The following CDH26 variants were observed in gnomAD, a reference collection of about 807,000 sequenced individuals.
CDH26 encodes the protein cadherin 26.
CDH26 carries 83 observed loss-of-function variants against 90.3 expected under a neutral mutation model. That is an observed-to-expected ratio of 0.92 (90% CI 0.77 to 1.10). CDH26 has a LOEUF of 1.10. CDH26 is among the 50% of genes least tolerant of loss of function. CDH26 has a pLI of 0.00. For missense variants in CDH26, 1,013 were observed against 1,037.6 expected, an observed-to-expected ratio of 0.98 and a Z score of 0.33; for synonymous variants, 397 against 396.3, an observed-to-expected ratio of 1.00 and a Z score of -0.02.
chr20:60,022,130 C>G (rs1488204812), intron 7 of CDH26, among the ~76,000 whole-genome samples: 1 of 151,936 alleles, frequency 6.6e-6, no homozygotes, highest in Non-Finnish European at 1.5e-5. Flanking sequence ...AGTTCATTCT[C>G]AAGTCTACCT....
intron 1 of CDH26, among the ~76,000 whole-genome samples, chr20:59,961,755 AG>A (rs1258943228): frequency 2.0e-5 from 3 of 152,158 alleles, no homozygotes; most frequent in Non-Finnish European, 4.4e-5. Context: ...TCTTTGTTCC[AG>A]GTTCAGTGAC....
In CDH26 at chr20:59,999,607, C is replaced by T. The variant is rs754246708; in HGVS notation, c.2041C>T (p.Gln681Ter). Reference protein sequence around the residue: ...SAQTWSDVEGQRPALLICTAA... With the variant: ...SAQTWSDVEG ...ACAGACATGGTCAGATGTTGAAGGC[C>T]AGAGGCCGGCTCTGCTCATCTGCAC... Residue 681 changes from glutamine (Q) to a stop codon, truncating the protein, a stop_gained, in exon 14 of 18, where the codon CAG becomes TAG. Coordinates refer to ENST00000348616, the MANE Select transcript of CDH26 (RefSeq NM_177980.4). LOFTEE classifies it high-confidence loss of function. 6.2e-7 allele frequency: 1 copy of T among 1,614,098 alleles called. No homozygotes were observed. Among genetic ancestry groups the T allele is most frequent in the Non-Finnish European group, 8.5e-7 (1 of 1,179,988 alleles).
At chr20:59,967,897 C>A (rs1424309614) in intron 1 of CDH26, among the ~76,000 whole-genome samples, 1 of 120,768 alleles carries the variant, frequency 8.3e-6, no homozygotes, top group African/African-American at 4.0e-5. Context: ...TCCTTCCTTC[C>A]TTCCTTCCTT....
intron 4 of CDH26, 142 bp downstream of exon 4, chr20:59,972,265 T>C: frequency 2.8e-6 from 2 of 721,132 alleles, no homozygotes; most frequent in Non-Finnish European, 4.5e-6. Flanking sequence ...TTTACGAGTA[T>C]GCCTGAGACT....
chr20:59,964,700 GCAAAGTATAAA>G (rs1389646738), intron 1 of CDH26, among the ~76,000 whole-genome samples: 1 of 152,138 alleles, frequency 6.6e-6, no homozygotes, highest in Non-Finnish European at 1.5e-5. Context: ...GGCATCTCTG[GCAAAGTATAAA>G]CATCCACCAT....
In CDH26 at chr20:59,989,559, G is replaced by C. The variant is rs182042965; in HGVS notation, c.1283+396G>C. Among the ~76,000 whole-genome samples, 227 of 144,606 alleles carry C rather than the reference G, an allele frequency of 1.6e-3. 1 individual carries two copies. Among genetic ancestry groups the C allele is most frequent in the Non-Finnish European group, 2.6e-3 (171 of 65,698 alleles). The allele number at this position is 144,606 out of a possible 152,430, so 94.9% of individuals were successfully genotyped here. A position where few individuals can be genotyped will look rare whatever the true frequency, so the allele number is the denominator to read the frequency against. On this transcript the variant is annotated intron_variant, in intron 9 of 17. Transcript: ENST00000348616. ...CAAAAAAAAAAAAAAAAAAAGAAAA[G>C]AAAACCAGCTCCTTGGACGTGTTCA...
In CDH26 at chr20:59,994,436, T is replaced by C; in HGVS notation, c.1613T>C (p.Leu538Ser). 2 of 1,614,142 alleles carry C rather than the reference T, an allele frequency of 1.2e-6. No individual in the cohort carries two copies. Among genetic ancestry groups the C allele is most frequent in the Non-Finnish European group, 1.7e-6 (2 of 1,180,020 alleles). Residue 538 changes from leucine to serine, a missense_variant, in exon 11 of 18, where the codon TTG (leucine) becomes TCG (serine). Physicochemically the swap from Leu to Ser is moderately radical, Grantham distance 145. Coordinates refer to ENST00000348616, the MANE Select transcript of CDH26 (RefSeq NM_177980.4). ...EPFSDPFTFE[L>S]DNTWGNAEDT... is the part of the protein sequence containing the mutation. ...TTCTCTGACCCATTTACATTTGAAT[T>C]GGACAATACCTGGGGAAATGCGGAG... is the stretch of plus-strand genomic sequence containing the variant.
intron 5 of CDH26, among the ~76,000 whole-genome samples, chr20:59,983,944 G>A (rs2061423949): frequency 6.6e-6 from 1 of 152,022 alleles, no homozygotes; most frequent in Non-Finnish European, 1.5e-5. Context: ...GATCTCCTAT[G>A]GTTGAACATT....
At position 59,987,583 on chromosome 20, in the gene CDH26, ATTT is replaced by A; in HGVS notation, c.970_972del (p.Phe324del). 1 of 1,613,948 alleles carries A rather than the reference ATTT, an allele frequency of 6.2e-7. No homozygotes were observed. Among genetic ancestry groups the A allele is most frequent in the Non-Finnish European group, 8.5e-7 (1 of 1,179,946 alleles). On this transcript the variant is annotated inframe_deletion, in exon 8 of 18. Coordinates refer to ENST00000348616, the MANE Select transcript of CDH26 (RefSeq NM_177980.4). ...ATATTGCATGGCAATGAAGAGGGGC[ATTT>A]TGACATTTCGACTGACCCTGAGACC...
downstream of CDH26, among the ~76,000 whole-genome samples, chr20:60,018,842 G>T (rs779608918): frequency 3.4e-5 from 5 of 149,188 alleles, no homozygotes; most frequent in Non-Finnish European, 7.4e-5. Context: ...CATGATTGTG[G>T]TTATTTTCTT....
intron 10 of CDH26, 151 bp from the exon 11 acceptor site, chr20:59,994,099 T>A: frequency 1.0e-6 from 1 of 962,096 alleles, no homozygotes; most frequent in Non-Finnish European, 1.5e-6. Context: ...GGAAAACAGA[T>A]CACGTGCATG....
At chr20:59,967,886 T>TC (rs1228267047) in intron 1 of CDH26, among the ~76,000 whole-genome samples, 100 of 123,820 alleles carry the variant, frequency 8.1e-4, no homozygotes, top group African/African-American at 3.7e-3. Context: ...TCTTCCTTCC[T>TC]TCCTTCCTTC....
chr20:60,033,491 G>T lies in CDH26; in HGVS notation c.1150G>T (p.Glu384Ter), dbSNP rs1363827316. The T allele has an allele frequency of 7.7e-6, 10 of 1,303,080 alleles. No homozygotes were observed. The East Asian group carries it at 5.5e-4, about 72-fold the overall frequency. 80.7% of individuals were successfully genotyped at this position (1,303,080 alleles called of 1,614,324 possible). A position where few individuals can be genotyped will look rare whatever the true frequency, so the allele number is the denominator to read the frequency against. Residue 384 changes from glutamate to a stop codon, truncating the protein, a stop_gained, in exon 9 of 9, where the codon GAG becomes TAG. Transcript: ENST00000370991. LOFTEE classifies it low-confidence loss of function (END_TRUNC). ...GTTTTCACCCCATTTTGCAGATGAG[G>T]AGAACAAGGCTGGGAGAAAGCAAAG...
chr20:59,970,576 C>T (rs199623369), intron 3 of CDH26, among the ~76,000 whole-genome samples: 28 of 151,320 alleles, frequency 1.9e-4, no homozygotes, highest in Admixed American at 6.6e-4. Context: ...TTTGGGAGGC[C>T]GAGGCGGGCG....
rs1182685851 is a variant in CDH26, at chr20:59,967,893, CTTCCTTCCTTCCTTCCT to C, written c.70-1067_70-1051del. Among the ~76,000 whole-genome samples the C allele has an allele frequency of 2.7e-3, 335 of 125,792 alleles. 4 individuals carry two copies. Among genetic ancestry groups the C allele is most frequent in the African/African-American group, 8.7e-3 (240 of 27,678 alleles). The allele number at this position is 125,792 out of a possible 152,430, so 82.5% of individuals were successfully genotyped here. The stretch of plus-strand genomic sequence containing the variant: ...TCTTTCTTTCTTCCTTCCTTCCTTC[CTTCCTTCCTTCCTTCCT>C]TTCCTTTCCTTTCCTTTCCTTTCCC... On this transcript the variant is annotated intron_variant, in intron 1 of 17. Transcript: ENST00000348616.
At position 59,991,652 on chromosome 20, in the gene CDH26, T is replaced by G. The variant is rs183386074; in HGVS notation, c.1284-726T>G. Among the ~76,000 whole-genome samples, 5 of 152,270 alleles carry G rather than the reference T, an allele frequency of 3.3e-5. No homozygotes were observed. In the East Asian group the frequency reaches 9.7e-4, roughly 29 times the overall value. On this transcript the variant is annotated intron_variant, in intron 9 of 17. Transcript: ENST00000348616. ...TCCTTGCTGACCCTTTGAAAAACATTTGCCCAGAAGATGAAGGAAAAGCAT... is the reference window on the plus strand; with the variant it reads ...TCCTTGCTGACCCTTTGAAAAACATGTGCCCAGAAGATGAAGGAAAAGCAT...
At chr20:59,999,422 T>G (rs994868051) in intron 13 of CDH26, among the ~76,000 whole-genome samples, 164 bp from the exon 14 acceptor site, 1 of 152,204 alleles carries the variant, frequency 6.6e-6, no homozygotes, top group Non-Finnish European at 1.5e-5. Context: ...CCCACATAAG[T>G]CATCCAGATT....
chr20:60,010,196 G>A (rs2061813159), intron 17 of CDH26, among the ~76,000 whole-genome samples: 3 of 152,058 alleles, frequency 2.0e-5, no homozygotes, highest in East Asian at 1.9e-4. Flanking sequence ...GGCGGGGCGG[G>A]GGGCATAGTT....
At chr20:59,968,924 G>T in intron 1 of CDH26, 43 bp from the exon 2 acceptor site, 1 of 1,083,942 alleles carries the variant, frequency 9.2e-7, no homozygotes, top group South Asian at 1.5e-5. Context: ...TGTGATTCTG[G>T]TAAGAATATT....
Sources: allele counts gnomAD v4.1 joint callset (sites outside exome capture counted in the v4.1 genomes callset), GRCh38; gene constraint gnomAD v4.1.1; transcripts MANE v1.5; gene names NCBI Gene and HGNC (gene_info 2026-07-23, HGNC 2026-07-21).